Variants in STXBP5L observed in about 807,000 individuals in gnomAD.
The protein encoded by STXBP5L is syntaxin-binding protein 5-like.
A neutral mutation model predicts 144.5 loss-of-function variants in STXBP5L; 65 were observed. The observed-to-expected ratio is 0.45, with a 90% CI of 0.37 to 0.55. The LOEUF is 0.55. STXBP5L is among the 20% of genes least tolerant of loss of function. The pLI is 0.00. For synonymous variants in STXBP5L, 505 were observed against 469.6 expected, an observed-to-expected ratio of 1.08 and a Z score of -0.97; for missense variants, 1,298 against 1,405.5, an observed-to-expected ratio of 0.92 and a Z score of 1.22.
At chr3:121,053,060 G>C (rs1395724665) in intron 5 of STXBP5L, among the ~76,000 whole-genome samples, 1 of 152,116 alleles carries the variant, frequency 6.6e-6, no homozygotes, top group African/African-American at 2.4e-5. Flanking sequence ...ACCTCTTCAA[G>C]GAGAACTACA....
At chr3:120,934,519 T>C (rs1360533571) in intron 2 of STXBP5L, among the ~76,000 whole-genome samples, 1 of 152,138 alleles carries the variant, frequency 6.6e-6, no homozygotes, top group Non-Finnish European at 1.5e-5. Flanking sequence ...CAGTTGATGA[T>C]GGTACTTTTA....
intron 19 of STXBP5L, among the ~76,000 whole-genome samples, chr3:121,301,343 G>A (rs541734363): frequency 6.6e-6 from 1 of 152,190 alleles, no homozygotes; most frequent in East Asian, 1.9e-4. Context: ...TTGGCTCTCT[G>A]TTTGTCTGTT....
chr3:120,964,587 G>A lies in STXBP5L; in HGVS notation c.287+9550G>A, dbSNP rs575318100. On this transcript the variant is annotated intron_variant, in intron 3 of 26. Transcript: ENST00000471454. Reference sequence around the variant, plus strand: ...TCCATGTGGTTGTGCGGTTTTGAGTGAATTTCTTAATCCTGAGTTCTAATT... The same window carrying A: ...TCCATGTGGTTGTGCGGTTTTGAGTAAATTTCTTAATCCTGAGTTCTAATT... Among the ~76,000 whole-genome samples the A allele has an allele frequency of 4.6e-5, 7 of 152,248 alleles. No individual in the cohort carries two copies. The East Asian group carries it at 1.2e-3, about 25-fold the overall frequency.
chr3:121,012,319 G>A (rs180677873), intron 3 of STXBP5L, among the ~76,000 whole-genome samples: 55 of 151,704 alleles, frequency 3.6e-4, no homozygotes, highest in Non-Finnish European at 6.9e-4. Flanking sequence ...TTTGTCTTGG[G>A]CATGTATTCA....
At chr3:120,972,785 T>A (rs1367833384) in intron 3 of STXBP5L, among the ~76,000 whole-genome samples, 1 of 152,152 alleles carries the variant, frequency 6.6e-6, no homozygotes, top group Non-Finnish European at 1.5e-5. Context: ...GAAGGGGTCC[T>A]GGATATTATC....
At position 121,170,148 on chromosome 3, in the gene STXBP5L, G is replaced by A. The variant is rs148443881; in HGVS notation, c.877+12521G>A. On this transcript the variant is annotated intron_variant, in intron 9 of 26. Coordinates refer to ENST00000471454, the MANE Select transcript of STXBP5L (RefSeq NM_001308330.2). ...AATAAATAAGTTATTTGAAACCAATGAGAACAAAGACACAACATAGCAGAA... is the reference window on the plus strand; with the variant it reads ...AATAAATAAGTTATTTGAAACCAATAAGAACAAAGACACAACATAGCAGAA... Among the ~76,000 whole-genome samples, 903 of 152,260 alleles carry A rather than the reference G, an allele frequency of 5.9e-3. 8 individuals carry two copies. The highest frequency in any genetic ancestry group is 0.02 in the African/African-American group (832 of 41,550).
chr3:120,991,512 C>G (rs188664841), intron 3 of STXBP5L, among the ~76,000 whole-genome samples: 1 of 152,216 alleles, frequency 6.6e-6, no homozygotes, highest in Non-Finnish European at 1.5e-5. Context: ...AATCATGCTA[C>G]TATAAAGACA....
At chr3:121,362,698 C>T (rs1002562249) in intron 20 of STXBP5L, among the ~76,000 whole-genome samples, 5 of 152,086 alleles carry the variant, frequency 3.3e-5, no homozygotes, top group African/African-American at 1.2e-4. Flanking sequence ...GAATCAGGGA[C>T]CCCAAGAGCC....
At chr3:121,219,335 G>C (rs1174850864) in intron 10 of STXBP5L, among the ~76,000 whole-genome samples, 2 of 151,994 alleles carry the variant, frequency 1.3e-5, no homozygotes, top group South Asian at 2.1e-4. Flanking sequence ...TATAAGTCAG[G>C]ATGGCTGTCA....
chr3:121,348,134 C>T (rs899624241), intron 20 of STXBP5L, among the ~76,000 whole-genome samples: 17 of 152,224 alleles, frequency 1.1e-4, no homozygotes, highest in African/African-American at 4.1e-4. Context: ...TATGTCCCAT[C>T]AGTACCTAAT....
chr3:121,269,251 G>A (rs546800997), intron 18 of STXBP5L, among the ~76,000 whole-genome samples: 10 of 152,224 alleles, frequency 6.6e-5, no homozygotes, highest in African/African-American at 1.9e-4. Context: ...AAGGATTAAT[G>A]TGGTTAACTT....
intron 9 of STXBP5L, among the ~76,000 whole-genome samples, chr3:121,204,956 T>G (rs2048281806): frequency 6.6e-6 from 1 of 152,192 alleles, no homozygotes; most frequent in African/African-American, 2.4e-5. Flanking sequence ...GCAAAATGAA[T>G]ACATCATTAA....
At chr3:121,099,030 C>T (rs2043281485) in intron 5 of STXBP5L, 1 of 152,092 alleles carries the variant, frequency 6.6e-6, no homozygotes, top group African/African-American at 2.4e-5. Context: ...TATCTATATA[C>T]ATTCGTAAGC....
intron 7 of STXBP5L, among the ~76,000 whole-genome samples, chr3:121,136,122 G>T (rs1246998007): frequency 6.6e-6 from 1 of 152,152 alleles, no homozygotes; most frequent in African/African-American, 2.4e-5. Context: ...AGTAGCAGTG[G>T]ACTTTGGGTA....
chr3:121,115,087 T>A, intron 6 of STXBP5L, 28 bp downstream of exon 6: 1 of 1,591,908 alleles, frequency 6.3e-7, no homozygotes, highest in Non-Finnish European at 8.5e-7. Context: ...TATCACTTTA[T>A]TGGCTTAAAT....
At chr3:120,957,824 T>A (rs929719075) in intron 3 of STXBP5L, among the ~76,000 whole-genome samples, 5 of 151,766 alleles carry the variant, frequency 3.3e-5, no homozygotes, top group Non-Finnish European at 7.4e-5. Flanking sequence ...CTAAAATTGA[T>A]GCCTTAACAT....
At chr3:121,031,699 G>T (rs1037955330) in intron 3 of STXBP5L, among the ~76,000 whole-genome samples, 1 of 152,002 alleles carries the variant, frequency 6.6e-6, no homozygotes, top group Non-Finnish European at 1.5e-5. Flanking sequence ...GATTTAGACT[G>T]GTATTTGGTC....
chr3:121,194,938 A>G (rs571683181), intron 9 of STXBP5L, among the ~76,000 whole-genome samples: 2 of 76,672 alleles, frequency 2.6e-5, no homozygotes, highest in African/African-American at 6.1e-5. Flanking sequence ...TTTTTTTGAG[A>G]TGAAGTCTAG....
chr3:121,318,671 T>G, intron 20 of STXBP5L, 131 bp downstream of exon 20: 1 of 543,284 alleles, frequency 1.8e-6, no homozygotes, highest in East Asian at 3.5e-5. Flanking sequence ...TTAAATTTAC[T>G]GTAAGCAAAT....
Sources: allele counts gnomAD v4.1 joint callset (sites outside exome capture counted in the v4.1 genomes callset), GRCh38; gene constraint gnomAD v4.1.1; transcripts MANE v1.5; gene names NCBI Gene and HGNC (gene_info 2026-07-23, HGNC 2026-07-21).